The following ELFN1 variants were observed in gnomAD, a reference collection of about 807,000 sequenced individuals.
ELFN1 encodes the protein extracellular leucine rich repeat and fibronectin type III domain containing 1, also known as protein ELFN1.
In ELFN1, 6 loss-of-function variants were observed where a neutral mutation model predicts 7.6. The ratio of observed to expected loss-of-function variants is 0.79; its 90% confidence interval spans 0.43 to 1.56. The LOEUF (loss-of-function observed/expected upper bound fraction) is 1.56. Ranked by LOEUF, ELFN1 falls within the 40% of genes most tolerant of loss-of-function variation. The pLI, the probability that ELFN1 is intolerant of heterozygous loss-of-function variation, is 0.01. For missense variants in ELFN1, 1,169 were observed against 1,232.2 expected (o/e 0.95, Z 0.77); for synonymous variants, 657 against 588.1 (o/e 1.12, Z -1.70).
Position 1,746,757 on chromosome 7 carries a change from C to T in ELFN1, c.2161C>T (p.Pro721Ser). 6.7e-7 allele frequency: 1 copy of T among 1,502,402 alleles called. No homozygotes were observed. Among genetic ancestry groups the T allele is most frequent in the Non-Finnish European group, 8.8e-7 (1 of 1,132,434 alleles). The allele number at this position is 1,502,402 out of a possible 1,614,324, so 93.1% of individuals were successfully genotyped here. ...HPAEPPAPPG[P>S]PPPPPHEGLG... ...GGCCGAGCCACCTGCGCCCCCCGGG[C>T]CACCGCCGCCGCCTCCGCACGAGGG... The change falls in exon 4 of 4, where the codon CCA becomes TCA. Residue 721 changes from proline to serine, a missense_variant. Coordinates refer to ENST00000424383, the MANE Select transcript of ELFN1 (RefSeq NM_001128636.4).
At chr7:1,675,649 G>C (rs914154245) in intron 1 of ELFN1, among the ~76,000 whole-genome samples, 1 of 152,228 alleles carries the variant, frequency 6.6e-6, no homozygotes, top group South Asian at 2.1e-4. Context: ...GGAAATGGGG[G>C]GGCCGTCGGG....
intron 2 of ELFN1, chr7:1,693,295 G>A (rs925972399): frequency 4.4e-5 from 20 of 455,422 alleles, no homozygotes; most frequent in Middle Eastern, 6.6e-4. Flanking sequence ...GGAAAGGAAC[G>A]CCCATCGGGG....
chr7:1,736,539 C>T lies in ELFN1; in HGVS notation c.-293-7765C>T, dbSNP rs148720842. Among the ~76,000 whole-genome samples the T allele has an allele frequency of 2.0e-4, 31 of 152,312 alleles. No individual in the cohort carries two copies. The East Asian group carries it at 5.2e-3, about 26-fold the overall frequency. On this transcript the variant is annotated intron_variant, in intron 3 of 3. Transcript: ENST00000424383. ...TGATTTCATTAGTGATGACACAGGC[C>T]GCGGAAGGAACTTGGTGCCCACCTC...
At chr7:1,712,629 G>A (rs991829289) in intron 3 of ELFN1, among the ~76,000 whole-genome samples, 2 of 150,576 alleles carry the variant, frequency 1.3e-5, no homozygotes, top group Non-Finnish European at 2.9e-5. Flanking sequence ...ACGGGGTTTC[G>A]CCATGTTGGC....
At chr7:1,711,575 T>TGAGAGTGA (rs1779652932) in intron 3 of ELFN1, among the ~76,000 whole-genome samples, 1 of 87,544 alleles carries the variant, frequency 1.1e-5, no homozygotes, top group Non-Finnish European at 2.2e-5. Flanking sequence ...AGCGAGAGAG[T>TGAGAGTGA]GAGAGAGAGA....
intron 2 of ELFN1, among the ~76,000 whole-genome samples, chr7:1,704,694 G>A (rs1337287223): frequency 3.9e-5 from 6 of 152,048 alleles, no homozygotes; most frequent in Admixed American, 1.3e-4. Flanking sequence ...CCCACATCAC[G>A]TCACCCCTGC....
intron 2 of ELFN1, among the ~76,000 whole-genome samples, chr7:1,698,405 T>C (rs1004511217): frequency 1.3e-5 from 2 of 151,996 alleles, no homozygotes; most frequent in African/African-American, 4.8e-5. Context: ...TCCTGTCGGG[T>C]GAGGAATGGT....
chr7:1,737,639 C>T (rs191553230), intron 3 of ELFN1, among the ~76,000 whole-genome samples: 58 of 152,272 alleles, frequency 3.8e-4, no homozygotes, highest in African/African-American at 1.3e-3. Flanking sequence ...GGGGCATTCC[C>T]GCTCACACCA....
upstream of ELFN1, among the ~76,000 whole-genome samples, chr7:1,670,123 A>G (rs1176315029): frequency 1.0e-4 from 11 of 107,924 alleles, no homozygotes; most frequent in African/African-American, 3.9e-4. This position sits in a 1 kb window ranked among gnomAD's most constrained non-coding sequence, Gnocchi z 6.4. Context: ...GGGAGCGCGC[A>G]GGCGGGCGAG....
At chr7:1,671,003 T>C (rs1778755233) in intron 1 of ELFN1, among the ~76,000 whole-genome samples, 1 of 151,822 alleles carries the variant, frequency 6.6e-6, no homozygotes. Flanking sequence ...CCACCTGGAG[T>C]CCATCCTCGT....
intron 3 of ELFN1, among the ~76,000 whole-genome samples, chr7:1,713,471 A>G (rs889630759): frequency 2.0e-5 from 3 of 152,106 alleles, no homozygotes; most frequent in African/African-American, 4.8e-5. Context: ...CCAGCTTCTA[A>G]AGCCCCTGCC....
intron 1 of ELFN1, among the ~76,000 whole-genome samples, chr7:1,686,134 C>T (rs936814758): frequency 6.6e-6 from 1 of 151,394 alleles, no homozygotes; most frequent in African/African-American, 2.4e-5. Flanking sequence ...AAAACAAACA[C>T]TTCAGGTAAT....
At chr7:1,692,351 G>C (rs1267095831) in intron 2 of ELFN1, 4 of 152,760 alleles carry the variant, frequency 2.6e-5, no homozygotes, top group African/African-American at 7.2e-5. Flanking sequence ...GCTGAGGGCT[G>C]CTCCCTCTGG....
chr7:1,694,746 C>T (rs374955526), intron 2 of ELFN1, among the ~76,000 whole-genome samples: 7 of 152,320 alleles, frequency 4.6e-5, no homozygotes, highest in African/African-American at 1.2e-4. Flanking sequence ...ATGCCTGGCC[C>T]GCACAGCGGT....
intron 3 of ELFN1, among the ~76,000 whole-genome samples, chr7:1,725,084 A>G (rs910064255): frequency 6.6e-6 from 1 of 152,318 alleles, no homozygotes; most frequent in African/African-American, 2.4e-5. Flanking sequence ...TCCCTGAGCA[A>G]GGTTGGGCTG....
intron 2 of ELFN1, among the ~76,000 whole-genome samples, chr7:1,703,649 C>T (rs374549313): frequency 1.8e-4 from 28 of 152,102 alleles, no homozygotes; most frequent in Admixed American, 1.0e-3. Flanking sequence ...CTTCCTCTGT[C>T]GGTGCTGAGC....
intron 1 of ELFN1, among the ~76,000 whole-genome samples, chr7:1,671,175 C>CA (rs1778759538): frequency 6.6e-6 from 1 of 151,708 alleles, no homozygotes; most frequent in Non-Finnish European, 1.5e-5. Flanking sequence ...ACACCGCCCC[C>CA]CCCCCCATAA....
chr7:1,677,373 C>T (rs1778891186), intron 1 of ELFN1, among the ~76,000 whole-genome samples: 1 of 152,202 alleles, frequency 6.6e-6, no homozygotes, highest in Non-Finnish European at 1.5e-5. Context: ...ACCCCGGCTT[C>T]CTCCAGGAGA....
At chr7:1,678,869 A>G (rs1321577176) in intron 1 of ELFN1, among the ~76,000 whole-genome samples, 2 of 152,242 alleles carry the variant, frequency 1.3e-5, no homozygotes, top group African/African-American at 4.8e-5. Flanking sequence ...GGGTGCGGGC[A>G]TCGCGTGGAC....
Sources: allele counts gnomAD v4.1 joint callset (sites outside exome capture counted in the v4.1 genomes callset), GRCh38; gene constraint gnomAD v4.1.1; non-coding constraint Gnocchi (gnomAD v3.1); transcripts MANE v1.5; gene names NCBI Gene and HGNC (gene_info 2026-07-23, HGNC 2026-07-21).